Variants in PDZD2 observed in about 807,000 individuals in gnomAD.
PDZD2 encodes PDZ domain-containing protein 2.
In PDZD2, 90 loss-of-function variants were observed where a neutral mutation model predicts 220.7. That is an observed-to-expected ratio of 0.41 (90% CI 0.34 to 0.49). PDZD2 has a LOEUF of 0.49. Among genes scored for constraint, PDZD2 ranks in the 20% least tolerant of loss-of-function variants. The pLI is 0.28. For synonymous variants in PDZD2, 1,375 were observed against 1,450.5 expected, an observed-to-expected ratio of 0.95 and a Z score of 1.18; for missense variants, 3,174 against 3,608.5, an observed-to-expected ratio of 0.88 and a Z score of 3.08.
chr5:31,656,127 AAG>A (rs966182263), intron 1 of PDZD2, among the ~76,000 whole-genome samples: 3 of 152,094 alleles, frequency 2.0e-5, no homozygotes, highest in Non-Finnish European at 4.4e-5. Flanking sequence ...TCTACGTTCA[AAG>A]AGAGAGAGGG....
chr5:31,903,192 G>A (rs1412147676), intron 2 of PDZD2, among the ~76,000 whole-genome samples: 1 of 151,792 alleles, frequency 6.6e-6, no homozygotes, highest in Admixed American at 6.6e-5. Context: ...TACTTGGGAG[G>A]CTGAGGCGGG....
At chr5:32,081,476 C>G (rs1161377639) in intron 19 of PDZD2, among the ~76,000 whole-genome samples, 1 of 152,184 alleles carries the variant, frequency 6.6e-6, no homozygotes, top group East Asian at 1.9e-4. Context: ...GTTGCAGTGA[C>G]ACACTGGCAC....
chr5:31,990,985 A>G (rs183303232), intron 3 of PDZD2, among the ~76,000 whole-genome samples: 52 of 152,304 alleles, frequency 3.4e-4, no homozygotes, highest in African/African-American at 1.2e-3. Context: ...TCCGGGGCAG[A>G]ATGTTCCCAG....
At chr5:32,055,775 C>T (rs906068646) in intron 10 of PDZD2, among the ~76,000 whole-genome samples, 1 of 152,144 alleles carries the variant, frequency 6.6e-6, no homozygotes, top group Non-Finnish European at 1.5e-5. Flanking sequence ...AGGCTTCATT[C>T]TCCCACGGCA....
intron 2 of PDZD2, among the ~76,000 whole-genome samples, chr5:31,886,394 CCTT>C (rs1226910888): frequency 6.6e-6 from 1 of 152,128 alleles, no homozygotes; most frequent in Non-Finnish European, 1.5e-5. Flanking sequence ...CCCTGCCACT[CCTT>C]CTTCCTCCCA....
intron 2 of PDZD2, among the ~76,000 whole-genome samples, chr5:31,807,951 G>T (rs1754838329): frequency 6.6e-6 from 1 of 152,214 alleles, no homozygotes; most frequent in Non-Finnish European, 1.5e-5. Flanking sequence ...ATTTAGGGTT[G>T]TTGCAAGCTT....
chr5:31,964,752 G>A (rs557860378), intron 2 of PDZD2, among the ~76,000 whole-genome samples: 48 of 152,228 alleles, frequency 3.2e-4, no homozygotes, highest in African/African-American at 1.2e-3. Flanking sequence ...GTCTCGCTCT[G>A]TCGCCCAGGC....
Position 32,059,273 on chromosome 5 carries a change from C to G in PDZD2, c.2235C>G (p.Cys745Trp), listed in dbSNP as rs773259745. The G allele has an allele frequency of 6.2e-7, 1 of 1,613,352 alleles. No individual in the cohort carries two copies. The highest frequency in any genetic ancestry group is 1.1e-5 in the South Asian group (1 of 91,060). Residue 745 changes from cysteine (C) to tryptophan (W), a missense_variant, in exon 13 of 25, where the codon TGC becomes TGG. Cys to Trp is a radical substitution (Grantham distance 215). Coordinates refer to ENST00000438447, the MANE Select transcript of PDZD2 (RefSeq NM_178140.4). ...PRVGLGIGAC[C>W]LALENSPPGI... is the part of the protein sequence containing the mutation. The stretch of plus-strand genomic sequence containing the variant: ...TTGGATTAGGCATTGGTGCCTGCTG[C>G]TTGGCTCTGGAAAACAGTCCTCCTG...
intron 2 of PDZD2, among the ~76,000 whole-genome samples, chr5:31,858,006 A>G (rs1250186842): frequency 6.6e-6 from 1 of 152,108 alleles, no homozygotes; most frequent in Non-Finnish European, 1.5e-5. Context: ...TTGTATTTTT[A>G]GTAGAGACGG....
chr5:31,788,909 C>A (rs1253331664), intron 1 of PDZD2, among the ~76,000 whole-genome samples: 15 of 152,138 alleles, frequency 9.9e-5, no homozygotes, highest in Admixed American at 9.2e-4. Context: ...GAGGCAGGAA[C>A]TCAGTAATAA....
intron 1 of PDZD2, among the ~76,000 whole-genome samples, chr5:31,699,791 T>G (rs868074659): frequency 2.0e-5 from 2 of 101,102 alleles, no homozygotes; most frequent in African/African-American, 3.4e-5. Flanking sequence ...GTTTTTTTTT[T>G]GTTTTTTTTT....
chr5:31,977,851 G>C (rs959973587), intron 2 of PDZD2, among the ~76,000 whole-genome samples: 1 of 152,192 alleles, frequency 6.6e-6, no homozygotes, highest in Non-Finnish European at 1.5e-5. Context: ...GCGTGCACCC[G>C]TAATCCCAGC....
intron 2 of PDZD2, among the ~76,000 whole-genome samples, chr5:31,864,196 G>A (rs1033753652): frequency 6.6e-6 from 1 of 152,128 alleles, no homozygotes; most frequent in Admixed American, 6.6e-5. Flanking sequence ...TCTTCTAAGC[G>A]CTTGAGGCAC....
chr5:31,677,071 A>G (rs779986765), intron 1 of PDZD2, among the ~76,000 whole-genome samples: 1 of 152,160 alleles, frequency 6.6e-6, no homozygotes, highest in Non-Finnish European at 1.5e-5. Context: ...GAATCTACCT[A>G]GGAGCAAGGC....
chr5:31,695,200 C>G (rs1258193254), intron 1 of PDZD2, among the ~76,000 whole-genome samples: 5 of 152,100 alleles, frequency 3.3e-5, no homozygotes, highest in African/African-American at 1.2e-4. Context: ...CCTGCTGATT[C>G]TTCCAAGTCC....
At chr5:31,659,004 G>A (rs1745663643) in intron 1 of PDZD2, among the ~76,000 whole-genome samples, 1 of 151,954 alleles carries the variant, frequency 6.6e-6, no homozygotes, top group South Asian at 2.1e-4. Context: ...AAATGCCCTC[G>A]CCGTGTTCAC....
At chr5:31,806,966 C>T (rs1293490511) in intron 2 of PDZD2, among the ~76,000 whole-genome samples, 1 of 141,146 alleles carries the variant, frequency 7.1e-6, no homozygotes, top group Non-Finnish European at 1.5e-5. Context: ...CGGAGTTTCA[C>T]TCTTGTTGCC....
In PDZD2 at chr5:31,747,236, A is replaced by G. The variant is rs113899576; in HGVS notation, c.-360-51653A>G. ...GAGAGCCTTTGGAAATGAAGACCCA[A>G]AGAAATAGTAAACGTGTAAGTTTTT... is the stretch of plus-strand genomic sequence containing the variant. On this transcript the variant is annotated intron_variant, in intron 1 of 24. Coordinates refer to ENST00000438447, the MANE Select transcript of PDZD2 (RefSeq NM_178140.4). 3.0e-3 allele frequency among the ~76,000 whole-genome samples: 462 copies of G among 152,312 alleles called. 1 individual carries two copies. The highest frequency in any genetic ancestry group is 0.01 in the African/African-American group (428 of 41,570).
chr5:32,107,195 C>T (rs1280752660), intron 24 of PDZD2: 1 of 152,054 alleles, frequency 6.6e-6, no homozygotes, highest in African/African-American at 2.4e-5. Context: ...GGAGGGTTTA[C>T]ACTTGCATTT....
Sources: allele counts gnomAD v4.1 joint callset (sites outside exome capture counted in the v4.1 genomes callset), GRCh38; gene constraint gnomAD v4.1.1; transcripts MANE v1.5; gene names NCBI Gene and HGNC (gene_info 2026-07-23, HGNC 2026-07-21).